ARSG: variants seen among roughly 807,000 people sequenced by gnomAD.
ARSG encodes the protein ASG.
In ARSG, 37 loss-of-function variants were observed where a neutral mutation model predicts 50.5. The observed-to-expected ratio is 0.73, with a 90% CI of 0.56 to 0.96. The LOEUF (loss-of-function observed/expected upper bound fraction) is 0.96, where lower values mean the gene tolerates loss of function less well. ARSG is among the 50% of genes least tolerant of loss of function. The pLI is 0.00. For missense variants in ARSG, 629 were observed against 675.3 expected, an observed-to-expected ratio of 0.93 and a Z score of 0.76; for synonymous variants, 225 against 254.6, an observed-to-expected ratio of 0.88 and a Z score of 1.11.
At chr17:68,266,362 G>A (rs1346665814) in intron 1 of ARSG, among the ~76,000 whole-genome samples, 1 of 129,792 alleles carries the variant, frequency 7.7e-6, no homozygotes, top group Admixed American at 8.4e-5. Flanking sequence ...TGTTTTCAAT[G>A]ATCAAAGTAT....
At chr17:68,268,953 G>GTGCTCTTCACATACACATTCCC in intron 1 of ARSG, 1 of 1,464,168 alleles carries the variant, frequency 6.8e-7, no homozygotes, top group Non-Finnish European at 9.2e-7. Flanking sequence ...GATGTTGGTA[G>GTGCTCTTCACATACACATTCCC]TGCTCTTCAC....
the ARSG span, chr17:68,428,785 G>C: frequency 4.7e-6 from 7 of 1,480,374 alleles, no homozygotes; most frequent in Admixed American, 1.2e-4. Flanking sequence ...AACTCTACAC[G>C]ACCAGCTCTC....
At chr17:68,447,313 A>C in the ARSG span, among the ~76,000 whole-genome samples, 1 of 152,376 alleles carries the variant, frequency 6.6e-6, no homozygotes, top group East Asian at 1.9e-4. Flanking sequence ...AGTTCAATAC[A>C]AGAGAAATAA....
chr17:68,348,821 ACATT>A (rs1417557142), intron 4 of ARSG, among the ~76,000 whole-genome samples: 1 of 152,162 alleles, frequency 6.6e-6, no homozygotes, highest in African/African-American at 2.4e-5. Flanking sequence ...GCACACTTAC[ACATT>A]CCTTCTAAGC....
At chr17:68,283,878 CA>C (rs58291216) in intron 1 of ARSG, among the ~76,000 whole-genome samples, 94 of 55,428 alleles carry the variant, frequency 1.7e-3, no homozygotes, top group East Asian at 0.015. Context: ...AACTCCGTCT[CA>C]AAAAAAAAAA....
intron 4 of ARSG, among the ~76,000 whole-genome samples, chr17:68,347,846 C>G (rs1016428342): frequency 9.2e-5 from 14 of 152,334 alleles, no homozygotes; most frequent in Middle Eastern, 3.4e-3. Context: ...TGGCCCCTTC[C>G]TCTTCTGCCA....
chr17:68,268,578 T>C (rs782242584), intron 1 of ARSG: 1 of 152,692 alleles, frequency 6.5e-6, no homozygotes, highest in Non-Finnish European at 1.5e-5. Flanking sequence ...TTCATATTTC[T>C]GAAAATTAGG....
intron 9 of ARSG, among the ~76,000 whole-genome samples, chr17:68,389,884 G>C (rs1042956769): frequency 6.6e-6 from 1 of 152,076 alleles, no homozygotes; most frequent in Non-Finnish European, 1.5e-5. Flanking sequence ...TGAAGTCCAT[G>C]TGGTTCCTTC....
downstream of ARSG, chr17:68,421,786 G>A (rs747386653): frequency 5.5e-5 from 89 of 1,614,044 alleles, no homozygotes; most frequent in Non-Finnish European, 6.4e-5. Flanking sequence ...TGACTGCTTC[G>A]TTTTGCCCTT....
Position 68,347,035 on chromosome 17 carries a change from A to G in ARSG, c.407-90A>G, listed in dbSNP as rs1300365221. On this transcript the variant is annotated intron_variant, in intron 3 of 11. Transcript: ENST00000621439. The stretch of plus-strand genomic sequence containing the variant: ...TTGTCCACAGTGCGAGGCGAAGCTA[A>G]TGGAGAGCTGAGTGTGTGATCAGCT... 2.5e-6 allele frequency: 4 copies of G among 1,577,636 alleles called. No individual in the cohort carries two copies. The East Asian group carries it at 9.0e-5, about 35-fold the overall frequency.
chr17:68,259,783 C>G (rs1263273433), intron 1 of ARSG, among the ~76,000 whole-genome samples: 4 of 152,214 alleles, frequency 2.6e-5, no homozygotes, highest in Non-Finnish European at 4.4e-5. Flanking sequence ...AAGTGCTCAA[C>G]AGCCCCATGT....
chr17:68,394,875 G>A (rs11653217), intron 9 of ARSG, among the ~76,000 whole-genome samples, 198 bp from the exon 10 acceptor site: 6,887 of 152,232 alleles, frequency 0.045, 349 homozygotes, highest in East Asian at 0.22. Context: ...GTGCTGAACC[G>A]CTGCACCATT....
intron 9 of ARSG, among the ~76,000 whole-genome samples, chr17:68,393,920 T>A (rs566959929): frequency 7.3e-5 from 11 of 151,574 alleles, no homozygotes; most frequent in South Asian, 6.3e-4. Context: ...GTTGTTAAGA[T>A]CTATGGTGAG....
At chr17:68,352,135 A>ACAGAG (rs1385544708) in intron 5 of ARSG, among the ~76,000 whole-genome samples, 1 of 115,578 alleles carries the variant, frequency 8.7e-6, no homozygotes, top group Admixed American at 9.3e-5. Context: ...AGAGAGAGAG[A>ACAGAG]GACAGAGGAG....
intron 4 of ARSG, among the ~76,000 whole-genome samples, chr17:68,349,333 A>T (rs1007132382): frequency 1.4e-4 from 21 of 152,160 alleles, no homozygotes; most frequent in Admixed American, 5.9e-4. Flanking sequence ...CAATATGTAC[A>T]GTCATTTGTG....
chr17:68,341,882 C>G (rs74684364), intron 2 of ARSG, among the ~76,000 whole-genome samples: 1 of 151,866 alleles, frequency 6.6e-6, no homozygotes, highest in African/African-American at 2.4e-5. Flanking sequence ...TGCAGTGACG[C>G]GATCTTGGCT....
At chr17:68,285,054 C>T (rs1229229802) in intron 1 of ARSG, among the ~76,000 whole-genome samples, 3 of 152,198 alleles carry the variant, frequency 2.0e-5, no homozygotes, top group Non-Finnish European at 2.9e-5. Flanking sequence ...GAGATGGTCT[C>T]TGCCTCCATG....
chr17:68,401,575 T>C (rs1487675380), intron 11 of ARSG, 125 bp downstream of exon 11: 17 of 782,550 alleles, frequency 2.2e-5, no homozygotes, highest in Non-Finnish European at 3.4e-5. Context: ...TCAGCACCTC[T>C]TGACAAGCGT....
At chr17:68,263,339 A>G (rs35937523) in intron 1 of ARSG, among the ~76,000 whole-genome samples, 5,623 of 152,302 alleles carry the variant, frequency 0.037, 344 homozygotes, top group African/African-American at 0.13. Flanking sequence ...GACACATGCA[A>G]TATAAACACA....
Sources: gnomAD v4.1 joint callset for allele counts (sites outside exome capture counted in the v4.1 genomes callset) on GRCh38, gnomAD v4.1.1 for gene constraint, MANE v1.5 for transcripts, NCBI Gene and HGNC (gene_info 2026-07-23, HGNC 2026-07-21) for gene names.